The following FARP1 variants were observed in gnomAD, a reference collection of about 807,000 sequenced individuals.
The protein encoded by FARP1 is FERM, ARHGEF and pleckstrin domain-containing protein 1.
A neutral mutation model predicts 128.8 loss-of-function variants in FARP1; 52 were observed. That is an observed-to-expected ratio of 0.40 (90% confidence interval 0.32 to 0.51). FARP1 has a LOEUF of 0.51. Ranked by LOEUF, FARP1 falls within the 20% of genes least tolerant of loss-of-function variation. The pLI, the probability that FARP1 is intolerant of heterozygous loss-of-function variation, is 0.45. For synonymous variants in FARP1, 580 were observed against 551.8 expected, an observed-to-expected ratio of 1.05 and a Z score of -0.72; for missense variants, 1,333 against 1,367.9, an observed-to-expected ratio of 0.97 and a Z score of 0.40.
intron 6 of FARP1, among the ~76,000 whole-genome samples, chr13:98,378,842 GA>G (rs1393752362): frequency 7.2e-6 from 1 of 139,614 alleles, no homozygotes. Flanking sequence ...ACATGGGCAA[GA>G]AAAAAACAAA....
intron 18 of FARP1, 46 bp downstream of exon 18, chr13:98,431,326 A>G (rs1472926283): frequency 7.2e-7 from 1 of 1,384,428 alleles, no homozygotes; most frequent in Non-Finnish European, 9.9e-7. Context: ...GCCACAGTTC[A>G]GGCCGGGTGC....
chr13:98,424,143 G>A (rs1198676509), intron 16 of FARP1, among the ~76,000 whole-genome samples: 1 of 152,200 alleles, frequency 6.6e-6, no homozygotes, highest in African/African-American at 2.4e-5. Flanking sequence ...CTGGGGCTGA[G>A]TCTTGCTTCC....
intron 13 of FARP1, chr13:98,401,869 T>C (rs1890787001): frequency 6.6e-6 from 1 of 151,058 alleles, no homozygotes; most frequent in South Asian, 2.1e-4. Flanking sequence ...TCGGTGTAGA[T>C]TGGCCACTCG....
Position 98,431,258 on chromosome 13 carries a change from C to A in FARP1, c.2121C>A (p.His707Gln). Residue 707 changes from histidine to glutamine, a missense_variant, in exon 18 of 27, where the codon CAC becomes CAA. Physicochemically the swap from His to Gln is conservative, Grantham distance 24. Around this residue, in one of 2 missense-constraint regions of FARP1, gnomAD observed 1,009 missense variants for 969.8 expected, o/e 1.04. Transcript: ENST00000319562. ...TGTGCAAACACCACCCGCCGAGCCA[C>A]GCCGACTTCAGGGACTGCCGAGGTG... is the stretch of plus-strand genomic sequence containing the variant. Reference protein sequence around the residue: ...ERLCKHHPPSHADFRDCRAAL... With the variant: ...ERLCKHHPPSQADFRDCRAAL... 3.1e-6 allele frequency: 5 copies of A among 1,590,956 alleles called. No individual in the cohort carries two copies. The highest frequency in any genetic ancestry group is 4.3e-6 in the Non-Finnish European group (5 of 1,169,420).
chr13:98,230,800 C>G (rs1882065962), intron 2 of FARP1, among the ~76,000 whole-genome samples: 2 of 152,102 alleles, frequency 1.3e-5, no homozygotes, highest in African/African-American at 2.4e-5. Flanking sequence ...GTAAGCCATG[C>G]AGTTAGCAGG....
At chr13:98,416,185 C>T (rs1891368836) in intron 16 of FARP1, among the ~76,000 whole-genome samples, 1 of 152,176 alleles carries the variant, frequency 6.6e-6, no homozygotes, top group Non-Finnish European at 1.5e-5. Context: ...AAGAAAACAA[C>T]GTTGGTATGT....
At chr13:98,350,029 C>T (rs1296022887) in intron 3 of FARP1, among the ~76,000 whole-genome samples, 4 of 152,126 alleles carry the variant, frequency 2.6e-5, no homozygotes, top group Non-Finnish European at 2.9e-5. Context: ...TTTTGAGGAA[C>T]ATGGGAGGTG....
chr13:98,147,325 T>C (rs1197065144), intron 1 of FARP1, among the ~76,000 whole-genome samples: 2 of 152,184 alleles, frequency 1.3e-5, no homozygotes, highest in Non-Finnish European at 2.9e-5. Flanking sequence ...TTTTCTTAGT[T>C]TAATGTGGGA....
intron 13 of FARP1, among the ~76,000 whole-genome samples, chr13:98,408,027 G>C (rs762124320): frequency 6.6e-6 from 1 of 152,180 alleles, no homozygotes; most frequent in African/African-American, 2.4e-5. Flanking sequence ...AAGTAGCAGC[G>C]AGCCTGAAAC....
intron 2 of FARP1, among the ~76,000 whole-genome samples, chr13:98,313,190 G>T (rs377760356): frequency 7.0e-6 from 1 of 143,406 alleles, no homozygotes; most frequent in African/African-American, 2.6e-5. Flanking sequence ...CTGGAATCGG[G>T]TGGGTCATAA....
chr13:98,376,701 T>A (rs1486304057), intron 5 of FARP1, among the ~76,000 whole-genome samples: 1 of 151,978 alleles, frequency 6.6e-6, no homozygotes, highest in Non-Finnish European at 1.5e-5. Context: ...TCCAAACTGT[T>A]CTCTATCGTG....
At chr13:98,256,348 G>A (rs77630624) in intron 2 of FARP1, among the ~76,000 whole-genome samples, 3,263 of 152,220 alleles carry the variant, frequency 0.021, 52 homozygotes, top group Non-Finnish European at 0.031. Flanking sequence ...TGAAATATAT[G>A]TGCGATGGGG....
rs551830186 is a variant in FARP1, at chr13:98,316,100, T to A, written c.172-27662T>A. On this transcript the variant is annotated intron_variant, in intron 2 of 26. Coordinates refer to ENST00000319562, the MANE Select transcript of FARP1 (RefSeq NM_005766.4). ...TCAACCCTCATGGTTGCTGTTGAAT[T>A]TGTTTGTGAACATTTGACTGCAGGC... 3.0e-4 allele frequency among the ~76,000 whole-genome samples: 45 copies of A among 151,252 alleles called. 3 individuals carry two copies. The South Asian group carries it at 9.3e-3, about 31-fold the overall frequency.
chr13:98,228,544 C>T (rs552606612), intron 2 of FARP1, among the ~76,000 whole-genome samples: 18 of 152,100 alleles, frequency 1.2e-4, no homozygotes, highest in African/African-American at 4.1e-4. Context: ...CATCATTTGG[C>T]GGTTATCTAT....
At chr13:98,204,659 G>A (rs1314490864) in intron 1 of FARP1, among the ~76,000 whole-genome samples, 1 of 152,170 alleles carries the variant, frequency 6.6e-6, no homozygotes, top group African/African-American at 2.4e-5. Context: ...ATTCTCACCT[G>A]TTTAAAATGT....
intron 2 of FARP1, among the ~76,000 whole-genome samples, chr13:98,307,870 CT>C (rs1275942027): frequency 6.6e-6 from 1 of 152,098 alleles, no homozygotes; most frequent in Non-Finnish European, 1.5e-5. Context: ...CTATCAGTGA[CT>C]TTTCATTGCT....
rs187985226 is a variant in FARP1, at chr13:98,322,459, A to G, written c.172-21303A>G. Among the ~76,000 whole-genome samples, 506 of 152,290 alleles carry G rather than the reference A, an allele frequency of 3.3e-3. 3 individuals are homozygous for G. The highest frequency in any genetic ancestry group is 5.4e-3 in the Non-Finnish European group (366 of 68,008). On this transcript the variant is annotated intron_variant, in intron 2 of 26. Coordinates refer to ENST00000319562, the MANE Select transcript of FARP1 (RefSeq NM_005766.4). Reference sequence around the variant, plus strand: ...CAGCCTAGCTCCAGCCCAAATCCACATGCTTCTGGGAGCACTGGGATTTGG... The same window carrying G: ...CAGCCTAGCTCCAGCCCAAATCCACGTGCTTCTGGGAGCACTGGGATTTGG...
chr13:98,390,016 C>T lies in FARP1; in HGVS notation c.915C>T (p.Phe305=), dbSNP rs193003957. 5 of 1,614,206 alleles carry T rather than the reference C, an allele frequency of 3.1e-6. No individual in the cohort carries two copies. In the South Asian group the frequency reaches 5.5e-5, roughly 18 times the overall value. ...CCAGTCGGGATTTCTGCAAGTCCTT[C>T]TGGAAAATCTGTGTTGAACATCATG... ...LMASRDFCKS[F]WKICVEHHAF... Residue 305 remains phenylalanine (F), a synonymous_variant, in exon 10 of 27, where the codon TTC becomes TTT. Coordinates refer to ENST00000319562, the MANE Select transcript of FARP1 (RefSeq NM_005766.4).
intron 2 of FARP1, among the ~76,000 whole-genome samples, chr13:98,277,882 C>T (rs1884733743): frequency 6.6e-6 from 1 of 152,166 alleles, no homozygotes; most frequent in Non-Finnish European, 1.5e-5. Flanking sequence ...GGGGCCTAGG[C>T]ATTGTTATTT....
Sources: gnomAD v4.1 joint callset for allele counts (sites outside exome capture counted in the v4.1 genomes callset) on GRCh38, gnomAD v4.1.1 for gene constraint, gnomAD v4.1.1 regional missense constraint, MANE v1.5 for transcripts, NCBI Gene and HGNC (gene_info 2026-07-23, HGNC 2026-07-21) for gene names.